LRRD1: variants seen among roughly 807,000 people sequenced by gnomAD.
LRRD1 encodes the protein leucine rich repeats and death domain containing 1, also known as leucine-rich repeat and death domain-containing protein 1.
LRRD1 carries 49 observed loss-of-function variants against 69.5 expected under a neutral mutation model. That is an observed-to-expected ratio of 0.70 (90% confidence interval 0.56 to 0.89). The LOEUF is 0.89. LRRD1 is among the 40% of genes least tolerant of loss of function. LRRD1 has a pLI of 0.00. For missense variants in LRRD1, 853 were observed against 956.0 expected (o/e 0.89, Z 1.42); for synonymous variants, 303 against 338.9 (o/e 0.89, Z 1.16).
At chr7:92,173,592 C>T (rs1031213660) in intron 1 of LRRD1, among the ~76,000 whole-genome samples, 2 of 152,190 alleles carry the variant, frequency 1.3e-5, no homozygotes, top group Non-Finnish European at 2.9e-5. Flanking sequence ...CTCACCATCA[C>T]TAATCATCTG....
intron 4 of LRRD1, among the ~76,000 whole-genome samples, chr7:92,146,607 A>ACC (rs1820329881): frequency 9.3e-6 from 1 of 108,088 alleles, no homozygotes. Context: ...ACAGAGCAAG[A>ACC]CTGTCTCAAA....
intron 3 of LRRD1, among the ~76,000 whole-genome samples, chr7:92,151,533 C>T (rs890945150): frequency 1.3e-5 from 2 of 152,096 alleles, no homozygotes; most frequent in Non-Finnish European, 2.9e-5. Context: ...TAATTTTTTT[C>T]CTTTCCATAC....
intron 2 of LRRD1, 24 bp downstream of exon 2, chr7:92,163,262 A>C: frequency 7.3e-7 from 1 of 1,361,504 alleles, no homozygotes; most frequent in Non-Finnish European, 9.6e-7. Context: ...CTTCCCCACA[A>C]AGCCCACAAT....
At chr7:92,158,245 T>C (rs1211226929) in intron 3 of LRRD1, among the ~76,000 whole-genome samples, 1 of 152,050 alleles carries the variant, frequency 6.6e-6, no homozygotes, top group African/African-American at 2.4e-5. Flanking sequence ...ATCCCAGCAC[T>C]TTGGGAGGCT....
At chr7:92,170,078 A>AAAG (rs1789015901) in intron 1 of LRRD1, among the ~76,000 whole-genome samples, 1 of 151,040 alleles carries the variant, frequency 6.6e-6, no homozygotes, top group Non-Finnish European at 1.5e-5. Context: ...TGAAAAAAAA[A>AAAG]AGAGAGAGAG....
chr7:92,158,304 C>A (rs1380449798), intron 3 of LRRD1, among the ~76,000 whole-genome samples: 1 of 151,988 alleles, frequency 6.6e-6, no homozygotes, highest in Non-Finnish European at 1.5e-5. Context: ...TGCAGTGAGC[C>A]ATGATCTTGC....
chr7:92,143,316 G>A (rs763362295), downstream of LRRD1, among the ~76,000 whole-genome samples: 27 of 152,142 alleles, frequency 1.8e-4, no homozygotes, highest in East Asian at 3.9e-4. Context: ...GGTGGATCCC[G>A]CACCCACCGG....
At chr7:92,167,864 G>C (rs1377036301) in intron 1 of LRRD1, among the ~76,000 whole-genome samples, 8 of 91,524 alleles carry the variant, frequency 8.7e-5, no homozygotes, top group African/African-American at 3.9e-4. Context: ...GCAACACAGC[G>C]AGACTCTGTC....
chr7:92,155,832 G>A (rs775833805), intron 3 of LRRD1, among the ~76,000 whole-genome samples: 3 of 152,206 alleles, frequency 2.0e-5, no homozygotes, highest in Non-Finnish European at 4.4e-5. Flanking sequence ...GAGTGCAAAA[G>A]CTGAAGAACT....
At chr7:92,142,669 G>A (rs183247103), downstream of LRRD1, 31 of 405,810 alleles carry the variant, frequency 7.6e-5, no homozygotes, top group East Asian at 1.6e-3. Flanking sequence ...GGATGTGTTC[G>A]GAGTTTCTTC....
intron 2 of LRRD1, among the ~76,000 whole-genome samples, chr7:92,159,889 G>A (rs1788761212): frequency 6.6e-6 from 1 of 152,086 alleles, no homozygotes; most frequent in African/African-American, 2.4e-5. Context: ...CCAAAGTGCT[G>A]GGATTAAGGG....
downstream of LRRD1, chr7:92,141,664 T>C (rs1163310247): frequency 1.3e-5 from 2 of 152,204 alleles, no homozygotes; most frequent in Admixed American, 1.3e-4. Context: ...CTTCACACTT[T>C]AATGTTCTAT....
At position 92,145,060 on chromosome 7, in the gene LRRD1, C is replaced by A; in HGVS notation, c.2411G>T (p.Ser804Ile). 1 of 1,467,102 alleles carries A rather than the reference C, an allele frequency of 6.8e-7. No homozygotes were observed. Among genetic ancestry groups the A allele is most frequent in the Non-Finnish European group, 9.1e-7 (1 of 1,099,968 alleles). 90.9% of individuals were successfully genotyped at this position (1,467,102 alleles called of 1,614,324 possible). Residue 804 changes from serine to isoleucine, a missense_variant, in exon 6 of 6, where the codon AGT becomes ATT. Transcript: ENST00000458448. The part of the protein sequence containing the change: ...DMPTKSTVSL[S>I]ERAHQALVIW... Reference sequence around the variant, plus strand: ...AACAAGTGCTTGGTGGGCTCTCTCACTTAATGAAACAGTGCTGAAAAACAT... The same window carrying A: ...AACAAGTGCTTGGTGGGCTCTCTCAATTAATGAAACAGTGCTGAAAAACAT...
At chr7:92,158,814 T>TC (rs1283580424) in intron 3 of LRRD1, among the ~76,000 whole-genome samples, 191 bp downstream of exon 3, 1 of 152,196 alleles carries the variant, frequency 6.6e-6, no homozygotes, top group Non-Finnish European at 1.5e-5. Context: ...GCTCTCCTAC[T>TC]CTTTCAAGGC....
downstream of LRRD1, among the ~76,000 whole-genome samples, chr7:92,143,417 G>T (rs1056334119): frequency 2.0e-5 from 1 of 50,306 alleles, no homozygotes; most frequent in Non-Finnish European, 4.0e-5. Context: ...CCATGGAACC[G>T]GGGGCGGCAC....
rs1008205698 is a variant in LRRD1 at position 92,159,027 on chromosome 7, A to G, written c.2094T>C (p.Asp698=). The G allele has an allele frequency of 1.4e-5, 21 of 1,545,768 alleles. No individual in the cohort carries two copies. Among genetic ancestry groups the G allele is most frequent in the Admixed American group, 2.0e-5 (1 of 49,466 alleles). Reference sequence around the variant, plus strand: ...CACCACTCAGGTTTAGTTGCTGCAGATCATTTAAAGATAGCAAAGATGGTG... The same window carrying G: ...CACCACTCAGGTTTAGTTGCTGCAGGTCATTTAAAGATAGCAAAGATGGTG... ...YLPPSLLSLN[D]LQQLNLSGNN... The change falls in exon 3 of 6, where the codon GAT becomes GAC. Residue 698 remains aspartate, a synonymous_variant. Coordinates refer to ENST00000458448, the MANE Select transcript of LRRD1 (RefSeq NM_001161528.2).
At position 92,146,121 on chromosome 7, in the gene LRRD1, T is replaced by C; in HGVS notation, c.2358A>G (p.Leu786=). The change falls in exon 5 of 6, where the codon CTA becomes CTG. Residue 786 remains leucine (L), a synonymous_variant. Transcript: ENST00000458448. ...TATCAGTTTCTGAGTTTGCCAGGTT[T>C]AGTTTTTGACATAAAAATTCAAAAT... ...ETNFEFLCQK[L]NLANSETDMP... 1.3e-6 allele frequency: 2 copies of C among 1,542,584 alleles called. No individual in the cohort carries two copies. The highest frequency in any genetic ancestry group is 1.7e-6 in the Non-Finnish European group (2 of 1,143,800).
Position 92,146,084 on chromosome 7 carries a change from T to C in LRRD1, c.2395A>G (p.Ser799Gly). Residue 799 changes from serine to glycine, a missense_variant and splice_region_variant, in exon 5 of 6, where the codon AGC becomes GGC. Ser to Gly is a moderately conservative substitution (Grantham distance 56, BLOSUM62 0). Coordinates refer to ENST00000458448, the MANE Select transcript of LRRD1 (RefSeq NM_001161528.2). ...ANSETDMPTK[S>G]TVSLSERAHQ... ...CTAAATGCTGTCATTTATACATACC[T>C]CTTTGTAGGCATATCAGTTTCTGAG... 6.8e-7 allele frequency: 1 copy of C among 1,480,920 alleles called. No individual in the cohort carries two copies. The highest frequency in any genetic ancestry group is 9.1e-7 in the Non-Finnish European group (1 of 1,100,926). 91.7% of individuals were successfully genotyped at this position (1,480,920 alleles called of 1,614,324 possible). A position where few individuals can be genotyped will look rare whatever the true frequency, so the allele number is the denominator to read the frequency against.
At chr7:92,154,369 A>G (rs545150801) in intron 3 of LRRD1, among the ~76,000 whole-genome samples, 2 of 151,994 alleles carry the variant, frequency 1.3e-5, no homozygotes, top group African/African-American at 2.4e-5. Flanking sequence ...CCTCTCAAGC[A>G]GCTGGGACTA....
Sources: allele counts gnomAD v4.1 joint callset (sites outside exome capture counted in the v4.1 genomes callset), GRCh38; gene constraint gnomAD v4.1.1; transcripts MANE v1.5; gene names NCBI Gene and HGNC (gene_info 2026-07-23, HGNC 2026-07-21).